The following TMEFF2 variants were observed in gnomAD, a reference collection of about 807,000 sequenced individuals.
The protein encoded by TMEFF2 is transmembrane protein with EGF like and two follistatin like domains 2, also known as tomoregulin-2.
Under a neutral mutation model 53.8 loss-of-function variants are expected in TMEFF2, and 28 were observed. The observed-to-expected ratio is 0.52, with a 90% confidence interval of 0.39 to 0.71. The LOEUF is 0.71. Among genes scored for constraint, TMEFF2 ranks in the 30% least tolerant of loss-of-function variants. The pLI is 0.00. For synonymous variants in TMEFF2, 162 were observed against 166.3 expected (o/e 0.97, Z 0.20); for missense variants, 353 against 455.2 (o/e 0.78, Z 2.04).
intron 4 of TMEFF2, among the ~76,000 whole-genome samples, chr2:192,126,531 C>A (rs1050760067): frequency 6.6e-6 from 1 of 152,160 alleles, no homozygotes; most frequent in Non-Finnish European, 1.5e-5. Context: ...CAGTCCCAAA[C>A]TAAAGATACT....
intron 5 of TMEFF2, chr2:192,036,544 TATCTGGAATAAAC>T (rs1396402888): frequency 3.3e-5 from 5 of 152,182 alleles, no homozygotes; most frequent in Non-Finnish European, 5.9e-5. Flanking sequence ...CCTGAATAAA[TATCTGGAATAAAC>T]ATCTCCAGAA....
chr2:192,036,180 A>G (rs1017581754), intron 5 of TMEFF2: 3 of 152,224 alleles, frequency 2.0e-5, no homozygotes, highest in African/African-American at 7.2e-5. Flanking sequence ...TTACTGAGGA[A>G]GCCACAAATT....
Position 192,060,728 on chromosome 2 carries a change from G to T in TMEFF2, c.440-2953C>A, listed in dbSNP as rs529736212. ...TTTCTACATTACCAGTAACAGGAAA[G>T]ATCAGTGCTTATTTGCATTCATACA... On this transcript the variant is annotated intron_variant, in intron 4 of 9. Coordinates refer to ENST00000272771, the MANE Select transcript of TMEFF2 (RefSeq NM_016192.4). Among the ~76,000 whole-genome samples, 111 of 152,248 alleles carry T rather than the reference G, an allele frequency of 7.3e-4. 5 individuals carry two copies. In the South Asian group the frequency reaches 0.022, roughly 30 times the overall value.
chr2:192,133,871 G>C (rs551832845), intron 4 of TMEFF2, among the ~76,000 whole-genome samples: 5 of 152,090 alleles, frequency 3.3e-5, no homozygotes, highest in Non-Finnish European at 7.4e-5. Context: ...AAAAACACAC[G>C]TGCTCTCCCT....
At chr2:192,130,739 G>A (rs1036407315) in intron 4 of TMEFF2, among the ~76,000 whole-genome samples, 27 of 151,804 alleles carry the variant, frequency 1.8e-4, no homozygotes, top group African/African-American at 3.4e-4. Flanking sequence ...GACTCAGCCC[G>A]CCTGCACCCA....
chr2:191,951,161 ATGTATGTG>A (rs1691866498), intron 9 of TMEFF2, among the ~76,000 whole-genome samples: 2 of 132,438 alleles, frequency 1.5e-5, no homozygotes, highest in African/African-American at 5.1e-5. Context: ...GTTTATGTGT[ATGTATGTG>A]TGTGTGTGTA....
At chr2:192,030,143 C>CT (rs1687092350) in intron 5 of TMEFF2, among the ~76,000 whole-genome samples, 1 of 152,192 alleles carries the variant, frequency 6.6e-6, no homozygotes, top group African/African-American at 2.4e-5. Context: ...TCTCAGAAGG[C>CT]TTGCATATCA....
At chr2:192,136,472 A>T (rs1036843268) in intron 4 of TMEFF2, among the ~76,000 whole-genome samples, 1 of 152,194 alleles carries the variant, frequency 6.6e-6, no homozygotes, top group African/African-American at 2.4e-5. Context: ...TTAAATTAGC[A>T]CTTACCTGTA....
chr2:192,012,962 C>T (rs2105851464), intron 5 of TMEFF2, among the ~76,000 whole-genome samples: 1 of 152,250 alleles, frequency 6.6e-6, no homozygotes, highest in South Asian at 2.1e-4. Flanking sequence ...TAAAAAACAG[C>T]AAAAGATAAG....
chr2:192,189,038 A>AG (rs1011611308), intron 2 of TMEFF2, among the ~76,000 whole-genome samples: 1 of 152,162 alleles, frequency 6.6e-6, no homozygotes, highest in Non-Finnish European at 1.5e-5. Flanking sequence ...AGTTTAAAAA[A>AG]GGGGGGAGAA....
intron 4 of TMEFF2, among the ~76,000 whole-genome samples, chr2:192,075,304 T>TAAATATATATATATAA (rs1553518793): frequency 5.8e-5 from 1 of 17,276 alleles, no homozygotes; most frequent in African/African-American, 9.9e-5. Context: ...TATATATATA[T>TAAATATATATATATAA]ATATATATAT....
intron 4 of TMEFF2, among the ~76,000 whole-genome samples, chr2:192,153,516 G>A (rs576191095): frequency 4.6e-5 from 7 of 151,464 alleles, no homozygotes; most frequent in Non-Finnish European, 1.0e-4. Context: ...ACTTTACCCT[G>A]TTTGTGATAG....
In TMEFF2 at chr2:192,069,988, GTATATATATATA is replaced by G. The variant is rs55800219; in HGVS notation, c.440-12225_440-12214del. ...AATGTGTGTGTGTGTGTGTGTGTGTGTATATATATATATATATATATATATATATATATATAT... is the reference window on the plus strand; with the variant it reads ...AATGTGTGTGTGTGTGTGTGTGTGTGTATATATATATATATATATATATAT... On this transcript the variant is annotated intron_variant, in intron 4 of 9. Coordinates refer to ENST00000272771, the MANE Select transcript of TMEFF2 (RefSeq NM_016192.4). Among the ~76,000 whole-genome samples, 900 of 117,704 alleles carry G rather than the reference GTATATATATATA, an allele frequency of 7.6e-3. 4 individuals are homozygous for G. The highest frequency in any genetic ancestry group is 0.012 in the African/African-American group (339 of 29,388). 77.2% of individuals were successfully genotyped at this position (117,704 alleles called of 152,430 possible). A position where few individuals can be genotyped will look rare whatever the true frequency, so the allele number is the denominator to read the frequency against.
At chr2:192,164,715 A>G (rs2106015450) in intron 4 of TMEFF2, among the ~76,000 whole-genome samples, 1 of 130,444 alleles carries the variant, frequency 7.7e-6, no homozygotes, top group South Asian at 2.5e-4. Context: ...TGACATAGCG[A>G]GACTTCGTCT....
At chr2:192,101,687 A>G (rs548966860) in intron 4 of TMEFF2, among the ~76,000 whole-genome samples, 1 of 152,310 alleles carries the variant, frequency 6.6e-6, no homozygotes, top group South Asian at 2.1e-4. Flanking sequence ...CATATGTTGA[A>G]TCACTAGACT....
chr2:191,989,221 C>T (rs996605483), intron 7 of TMEFF2, among the ~76,000 whole-genome samples: 7 of 152,054 alleles, frequency 4.6e-5, no homozygotes, highest in Non-Finnish European at 7.4e-5. Flanking sequence ...AAATGGCTTC[C>T]GTGAAACCAG....
Position 192,191,918 on chromosome 2 carries a change from T to G in TMEFF2, c.244A>C (p.Arg82=). 6.2e-7 allele frequency: 1 copy of G among 1,613,614 alleles called. No individual in the cohort carries two copies. The part of the protein sequence containing the change: ...NTCKFDGECL[R]IGDTVTCVCQ... ...ACGCAAGTCACAGTGTCTCCAATTCTTAAACATTCCCCATCAAATTTACAG... is the reference window on the plus strand; with the variant it reads ...ACGCAAGTCACAGTGTCTCCAATTCGTAAACATTCCCCATCAAATTTACAG... The change falls in exon 2 of 10, where the codon AGA becomes CGA. Residue 82 remains arginine, a synonymous_variant. Coordinates refer to ENST00000272771, the MANE Select transcript of TMEFF2 (RefSeq NM_016192.4).
At chr2:192,155,177 G>A (rs1004025952) in intron 4 of TMEFF2, among the ~76,000 whole-genome samples, 8 of 151,884 alleles carry the variant, frequency 5.3e-5, no homozygotes, top group Admixed American at 6.6e-5. Context: ...AAATATTTAA[G>A]ATAGTACAAA....
chr2:192,010,789 TA>T (rs1686607935), intron 5 of TMEFF2, among the ~76,000 whole-genome samples: 1 of 152,228 alleles, frequency 6.6e-6, no homozygotes. Context: ...AATAACTACT[TA>T]CACCTGGCGG....
Sources: gnomAD v4.1 joint callset for allele counts (sites outside exome capture counted in the v4.1 genomes callset) on GRCh38, gnomAD v4.1.1 for gene constraint, MANE v1.5 for transcripts, NCBI Gene and HGNC (gene_info 2026-07-23, HGNC 2026-07-21) for gene names.